ATP2C2: variants seen among roughly 807,000 people sequenced by gnomAD.
ATP2C2 encodes the protein calcium-transporting ATPase type 2C member 2.
Under a neutral mutation model 110.8 loss-of-function variants are expected in ATP2C2, and 171 were observed. The observed-to-expected ratio is 1.54, with a 90% CI of 1.36 to 1.75. ATP2C2 has a LOEUF of 1.75. Ranked by LOEUF, ATP2C2 falls within the 40% of genes most tolerant of loss-of-function variation. The pLI, the probability that ATP2C2 is intolerant of heterozygous loss-of-function variation, is 0.00. For synonymous variants in ATP2C2, 804 were observed against 508.4 expected, an observed-to-expected ratio of 1.58 and a Z score of -7.82; for missense variants, 1,963 against 1,235.0, an observed-to-expected ratio of 1.59 and a Z score of -8.84.
At chr16:84,461,368 C>T (rs897668905) in intron 24 of ATP2C2, 9 of 417,622 alleles carry the variant, frequency 2.2e-5, no homozygotes, top group Non-Finnish European at 3.1e-5. Context: ...CTACTACTGA[C>T]GGCCATCCTT....
intron 14 of ATP2C2, among the ~76,000 whole-genome samples, chr16:84,442,091 T>C (rs1453126656): frequency 6.6e-6 from 1 of 151,996 alleles, no homozygotes; most frequent in African/African-American, 2.4e-5. Context: ...TTTTAAATAT[T>C]TATGTATAAA....
chr16:84,425,239 G>C (rs760117877), intron 10 of ATP2C2, among the ~76,000 whole-genome samples: 1 of 152,104 alleles, frequency 6.6e-6, no homozygotes, highest in Admixed American at 6.5e-5. Flanking sequence ...TCCGTGTCTC[G>C]TACACCTAGT....
intron 6 of ATP2C2, among the ~76,000 whole-genome samples, chr16:84,415,202 C>G (rs1366803385): frequency 2.0e-5 from 3 of 152,102 alleles, no homozygotes; most frequent in African/African-American, 7.2e-5. Flanking sequence ...GACCTTGGCC[C>G]CAGGAGCCTC....
At position 84,417,665 on chromosome 16, in the gene ATP2C2, G is replaced by A. The variant is rs1906959832; in HGVS notation, c.624+2074G>A. Among the ~76,000 whole-genome samples the A allele has an allele frequency of 2.0e-5, 3 of 152,316 alleles. No homozygotes were observed. The South Asian group carries it at 6.2e-4, about 32-fold the overall frequency. On this transcript the variant is annotated intron_variant, in intron 7 of 26. Transcript: ENST00000262429. Reference sequence around the variant, plus strand: ...CCAATACTTTGGGCAGCCAAGGCGAGTGGATTGCTTGAGCCCAGGAGTTCA... The same window carrying A: ...CCAATACTTTGGGCAGCCAAGGCGAATGGATTGCTTGAGCCCAGGAGTTCA...
chr16:84,405,365 GCCCCA>G, intron 3 of ATP2C2, 121 bp downstream of exon 3: 3 of 787,996 alleles, frequency 3.8e-6, no homozygotes, highest in Non-Finnish European at 6.0e-6. Flanking sequence ...CTTTCACGCT[GCCCCA>G]GCCAGCCTGA....
At chr16:84,412,966 G>A (rs540445814) in intron 6 of ATP2C2, among the ~76,000 whole-genome samples, 1 of 152,136 alleles carries the variant, frequency 6.6e-6, no homozygotes, top group Non-Finnish European at 1.5e-5. Flanking sequence ...GGGCATGGTG[G>A]TGGGTGTCTG....
chr16:84,417,028 A>G (rs1279641523), intron 7 of ATP2C2, among the ~76,000 whole-genome samples: 8 of 152,160 alleles, frequency 5.3e-5, no homozygotes, highest in African/African-American at 1.7e-4. Flanking sequence ...GAGGTGGCCA[A>G]TGACCTGGGG....
In ATP2C2 at chr16:84,431,019, G is replaced by A. The variant is rs7186198; in HGVS notation, c.986+5218G>A. Among the ~76,000 whole-genome samples, 1,300 of 152,132 alleles carry A rather than the reference G, an allele frequency of 8.5e-3. 21 individuals carry two copies. Among genetic ancestry groups the A allele is most frequent in the African/African-American group, 0.029 (1,195 of 41,480 alleles). On this transcript the variant is annotated intron_variant, in intron 11 of 26. Transcript: ENST00000262429. ...TTGTTTGCCCCATGAATATGTATTG[G>A]GCATCTGTTGACTCTCTGTTTACAT...
rs148844197 is a variant in ATP2C2 at position 84,369,595 on chromosome 16, C to T, written c.99+881C>T. Among the ~76,000 whole-genome samples the T allele has an allele frequency of 3.0e-3, 456 of 151,666 alleles. 2 individuals are homozygous for T. Among genetic ancestry groups the T allele is most frequent in the African/African-American group, 0.011 (435 of 41,300 alleles). On this transcript the variant is annotated intron_variant, in intron 1 of 26. Transcript: ENST00000262429. ...GTTGCTAATTAGAAATATGACTTGG[C>T]GATGGCCTTTTGACCAGTGAAAGGA...
At chr16:84,398,706 T>C in intron 2 of ATP2C2, 97 bp downstream of exon 2, 1 of 944,142 alleles carries the variant, frequency 1.1e-6, no homozygotes, top group Non-Finnish European at 1.5e-6. Flanking sequence ...AAATTCTGTG[T>C]TATTATCAAT....
At position 84,391,113 on chromosome 16, in the gene ATP2C2, C is replaced by CAAAAAA. The variant is rs567509863; in HGVS notation, c.100-7370_100-7365dup. Among the ~76,000 whole-genome samples, 133 of 73,036 alleles carry CAAAAAA rather than the reference C, an allele frequency of 1.8e-3. 2 individuals carry two copies. Among genetic ancestry groups the CAAAAAA allele is most frequent in the African/African-American group, 4.0e-3 (68 of 16,962 alleles). 47.9% of individuals were successfully genotyped at this position (73,036 alleles called of 152,430 possible). Reference sequence around the variant, plus strand: ...TGGGTGACAGAGTGAGACTCAGACTCAAAAAAAAAAAAAAAAAAAAAGAAG... The same window carrying CAAAAAA: ...TGGGTGACAGAGTGAGACTCAGACTCAAAAAAAAAAAAAAAAAAAAAAAAAAAGAAG... On this transcript the variant is annotated intron_variant, in intron 1 of 26. Transcript: ENST00000262429.
chr16:84,437,990 T>C (rs538855570), intron 11 of ATP2C2, among the ~76,000 whole-genome samples: 65 of 152,352 alleles, frequency 4.3e-4, no homozygotes, highest in African/African-American at 1.5e-3. Context: ...TGGCCTTCTA[T>C]GTCTGGCTTC....
chr16:84,407,853 C>T (rs1189316046), intron 3 of ATP2C2, among the ~76,000 whole-genome samples: 1 of 152,192 alleles, frequency 6.6e-6, no homozygotes, highest in Admixed American at 6.5e-5. Flanking sequence ...CATTTCTTTT[C>T]AATCCTCTGT....
At chr16:84,437,712 C>T (rs1408033945) in intron 11 of ATP2C2, among the ~76,000 whole-genome samples, 1 of 152,156 alleles carries the variant, frequency 6.6e-6, no homozygotes, top group African/African-American at 2.4e-5. Flanking sequence ...GATGGGGTTT[C>T]ACCACGTTGT....
intron 24 of ATP2C2, 22 bp from the exon 25 acceptor site, chr16:84,461,692 C>T (rs370822143): frequency 2.1e-5 from 33 of 1,606,150 alleles, no homozygotes; most frequent in Middle Eastern, 3.3e-4. Flanking sequence ...CCTAACCTCT[C>T]ACCTTTGTGC....
intron 17 of ATP2C2, among the ~76,000 whole-genome samples, chr16:84,451,444 C>T (rs1396747008): frequency 6.6e-6 from 1 of 152,222 alleles, no homozygotes; most frequent in Admixed American, 6.5e-5. Context: ...CCTGCGCAGG[C>T]CTGAGAGCCG....
Position 84,448,603 on chromosome 16 carries a change from A to G in ATP2C2, c.1574A>G (p.Asn525Ser), listed in dbSNP as rs1281658221. The G allele has an allele frequency of 5.0e-6, 8 of 1,613,992 alleles. No homozygotes were observed. In the Admixed American group the frequency reaches 1.3e-4, roughly 27 times the overall value. ...ATCCGCTACTGCACCATGTACAACAACGGGGGCATCCCCCTGCCGCTGACG... is the reference window on the plus strand; with the variant it reads ...ATCCGCTACTGCACCATGTACAACAGCGGGGGCATCCCCCTGCCGCTGACG... ...EVIRYCTMYN[N>S]GGIPLPLTPQ... The change falls in exon 17 of 27, where the codon AAC (asparagine) becomes AGC (serine). Residue 525 changes from asparagine (N) to serine (S), a missense_variant. Asn to Ser is a conservative substitution (Grantham distance 46, BLOSUM62 1). Coordinates refer to ENST00000262429, the MANE Select transcript of ATP2C2 (RefSeq NM_014861.4).
rs1427883940 is a variant in ATP2C2 at position 84,463,894 on chromosome 16, G to A, written c.*162G>A. The A allele has an allele frequency of 1.5e-6, 1 of 656,254 alleles. No individual in the cohort carries two copies. Among genetic ancestry groups the A allele is most frequent in the Non-Finnish European group, 2.6e-6 (1 of 378,250 alleles). The allele number at this position is 656,254 out of a possible 1,614,324, so 40.7% of individuals were successfully genotyped here. A position where few individuals can be genotyped will look rare whatever the true frequency, so the allele number is the denominator to read the frequency against. Reference sequence around the variant, plus strand: ...AGCTGCAGGAACCTCGTGGGCTCCAGGGACCCAGGCCCACATCCATCCAGC... The same window carrying A: ...AGCTGCAGGAACCTCGTGGGCTCCAAGGACCCAGGCCCACATCCATCCAGC... On this transcript the variant is annotated 3_prime_UTR_variant, in exon 27 of 27. Coordinates refer to ENST00000262429, the MANE Select transcript of ATP2C2 (RefSeq NM_014861.4).
At chr16:84,455,025 C>T (rs763749522) in intron 21 of ATP2C2, 41 bp downstream of exon 21, 3 of 1,563,788 alleles carry the variant, frequency 1.9e-6, no homozygotes, top group East Asian at 2.7e-5. Context: ...GCAAAAATGC[C>T]TGGGGTCACC....
Sources: allele counts gnomAD v4.1 joint callset (sites outside exome capture counted in the v4.1 genomes callset), GRCh38; gene constraint gnomAD v4.1.1; transcripts MANE v1.5; gene names NCBI Gene and HGNC (gene_info 2026-07-23, HGNC 2026-07-21).